Variants in FBXO11 observed in about 807,000 individuals in gnomAD.
FBXO11 encodes the protein F-box protein 11, also known as F-box only protein 11.
In FBXO11, 13 loss-of-function variants were observed where a neutral mutation model predicts 117.0. The ratio of observed to expected loss-of-function variants is 0.11; its 90% CI spans 0.07 to 0.18. The LOEUF (loss-of-function observed/expected upper bound fraction) is 0.18. FBXO11 is among the 10% of genes least tolerant of loss of function. FBXO11 has a pLI of 1.00. For synonymous variants in FBXO11, 490 were observed against 380.5 expected (o/e 1.29, Z -3.35); for missense variants, 767 against 1,164.4 (o/e 0.66, Z 4.97).
At position 47,896,924 on chromosome 2, in the gene FBXO11, CTTT is replaced by C. The variant is rs1677711374; in HGVS notation, c.232+8562_232+8564del. 5.9e-5 allele frequency among the ~76,000 whole-genome samples: 9 copies of C among 152,258 alleles called. No individual in the cohort carries two copies. In the South Asian group the frequency reaches 1.9e-3, roughly 32 times the overall value. On this transcript the variant is annotated intron_variant, in intron 1 of 22. Transcript: ENST00000403359. Reference sequence around the variant, plus strand: ...ACTTCTATTTCTCTCAACAAATCTTCTTTGATATTTCTTCTTTACTATGATAGA... The same window carrying C: ...ACTTCTATTTCTCTCAACAAATCTTCGATATTTCTTCTTTACTATGATAGA...
At chr2:47,901,035 ACGTGTGT>A in intron 1 of FBXO11, among the ~76,000 whole-genome samples, 1 of 139,150 alleles carries the variant, frequency 7.2e-6, no homozygotes, top group African/African-American at 2.6e-5. Context: ...ATATATACAC[ACGTGTGT>A]ACATATATAC....
intron 1 of FBXO11, among the ~76,000 whole-genome samples, chr2:47,868,759 T>G (rs1296497318): frequency 6.6e-6 from 1 of 152,198 alleles, no homozygotes; most frequent in Non-Finnish European, 1.5e-5. Context: ...TCCAATTTGG[T>G]AGCAGCAGAG....
At chr2:47,843,726 T>G (rs1051037671) in intron 1 of FBXO11, among the ~76,000 whole-genome samples, 2 of 147,934 alleles carry the variant, frequency 1.4e-5, no homozygotes, top group African/African-American at 5.1e-5. Flanking sequence ...CATTTTAGAT[T>G]TGCTGCTGCT....
chr2:47,858,601 G>C (rs1674497691), intron 1 of FBXO11, among the ~76,000 whole-genome samples: 1 of 143,972 alleles, frequency 6.9e-6, no homozygotes, highest in Admixed American at 7.1e-5. Context: ...AGAATCCCCT[G>C]AACCTGGGAG....
chr2:47,809,536 C>G (rs538926287), intron 20 of FBXO11, 64 bp downstream of exon 20: 2 of 1,184,376 alleles, frequency 1.7e-6, no homozygotes, highest in African/African-American at 1.5e-5. Flanking sequence ...AGTTATAAAA[C>G]GGCTTCTGAT....
intron 1 of FBXO11, among the ~76,000 whole-genome samples, chr2:47,846,937 T>G (rs559190382): frequency 5.4e-4 from 82 of 152,266 alleles, no homozygotes; most frequent in African/African-American, 1.8e-3. Context: ...CACTTATCAC[T>G]TAAAGACAAG....
chr2:47,810,247 G>A (rs1670524080), intron 19 of FBXO11, 69 bp downstream of exon 19: 1 of 1,021,074 alleles, frequency 9.8e-7, no homozygotes, highest in East Asian at 2.6e-5. Flanking sequence ...AAAACAAAAT[G>A]AATATACTCC....
At chr2:47,863,055 C>CAAAAAAA (rs763187950) in intron 1 of FBXO11, among the ~76,000 whole-genome samples, 1 of 73,956 alleles carries the variant, frequency 1.4e-5, no homozygotes. Flanking sequence ...AACTGTGTCT[C>CAAAAAAA]AAAAAAAAAA....
At chr2:47,898,030 C>T (rs1677809412) in intron 1 of FBXO11, among the ~76,000 whole-genome samples, 1 of 152,050 alleles carries the variant, frequency 6.6e-6, no homozygotes, top group African/African-American at 2.4e-5. Flanking sequence ...AATTTTCTCC[C>T]CTTTTTGAAC....
In FBXO11 at chr2:47,865,823, T is replaced by C. The variant is rs144395756; in HGVS notation, c.233-26054A>G. 8.1e-4 allele frequency: 123 copies of C among 152,302 alleles called. 1 individual carries two copies. Among genetic ancestry groups the C allele is most frequent in the African/African-American group, 2.8e-3 (116 of 41,564 alleles). 9.4% of individuals were successfully genotyped at this position (152,302 alleles called of 1,614,324 possible). Reference sequence around the variant, plus strand: ...ATTGTGGGCAGACACTCAGCCTCATTGAGCCTCAGTTTCCACATGGGTAAA... The same window carrying C: ...ATTGTGGGCAGACACTCAGCCTCATCGAGCCTCAGTTTCCACATGGGTAAA... On this transcript the variant is annotated intron_variant, in intron 1 of 22. Coordinates refer to ENST00000403359, the MANE Select transcript of FBXO11 (RefSeq NM_001190274.2).
At chr2:47,882,513 T>TA (rs1676506698) in intron 1 of FBXO11, among the ~76,000 whole-genome samples, 1 of 152,244 alleles carries the variant, frequency 6.6e-6, no homozygotes, top group South Asian at 2.1e-4. Context: ...GTTTCAATTC[T>TA]AAGTTTGTTG....
intron 19 of FBXO11, 34 bp from the exon 20 acceptor site, chr2:47,809,741 ACTTTATACTGCTT>A: frequency 7.2e-7 from 1 of 1,383,014 alleles, no homozygotes; most frequent in South Asian, 1.2e-5. Context: ...TAGATACATC[ACTTTATACTGCTT>A]CTTAAAAACC....
intron 11 of FBXO11, among the ~76,000 whole-genome samples, chr2:47,825,689 C>T (rs1671701315): frequency 6.6e-6 from 1 of 151,716 alleles, no homozygotes; most frequent in African/African-American, 2.4e-5. Context: ...CGATCCTCCC[C>T]ACTCAACCTC....
chr2:47,873,980 C>T (rs1225568843), intron 1 of FBXO11, among the ~76,000 whole-genome samples: 1 of 151,918 alleles, frequency 6.6e-6, no homozygotes, highest in African/African-American at 2.4e-5. Flanking sequence ...TTTGGGAGGC[C>T]GAGGTGGGTG....
At chr2:47,878,180 A>C (rs151337031) in intron 1 of FBXO11, among the ~76,000 whole-genome samples, 51 of 152,008 alleles carry the variant, frequency 3.4e-4, no homozygotes, top group Non-Finnish European at 5.0e-4. Context: ...TCAGCCCTTT[A>C]GTTTCTGGGG....
intron 4 of FBXO11, 130 bp from the exon 5 acceptor site, chr2:47,836,131 T>A (rs1385665898): frequency 3.5e-6 from 2 of 564,322 alleles, no homozygotes; most frequent in Non-Finnish European, 2.9e-6. Flanking sequence ...CAAAAATGAA[T>A]ATTAAATCAC....
intron 1 of FBXO11, among the ~76,000 whole-genome samples, chr2:47,890,123 A>ATTATTTATTTAT (rs137926259): frequency 3.3e-5 from 5 of 151,614 alleles, no homozygotes; most frequent in Non-Finnish European, 7.4e-5. Flanking sequence ...GCTAATTTTT[A>ATTATTTATTTAT]TTATTTATTT....
chr2:47,853,170 C>G (rs962022248), intron 1 of FBXO11, among the ~76,000 whole-genome samples: 4 of 151,638 alleles, frequency 2.6e-5, no homozygotes, highest in African/African-American at 9.7e-5. Context: ...CTCCTGAGTT[C>G]AAGCCATTCT....
intron 1 of FBXO11, among the ~76,000 whole-genome samples, chr2:47,841,840 C>T (rs1673033085): frequency 6.6e-6 from 1 of 151,022 alleles, no homozygotes; most frequent in Non-Finnish European, 1.5e-5. Context: ...GGGGTTTCAC[C>T]ATGTTGGCCA....
Sources: allele counts gnomAD v4.1 joint callset (sites outside exome capture counted in the v4.1 genomes callset), GRCh38; gene constraint gnomAD v4.1.1; transcripts MANE v1.5; gene names NCBI Gene and HGNC (gene_info 2026-07-23, HGNC 2026-07-21).